The following COX15 variants were observed in gnomAD, a reference collection of about 807,000 sequenced individuals.
COX15 encodes the protein heme A synthase COX15.
Under a neutral mutation model 51.9 loss-of-function variants are expected in COX15, and 51 were observed. That is an observed-to-expected ratio of 0.98 (90% CI 0.78 to 1.24). The LOEUF (loss-of-function observed/expected upper bound fraction) is 1.24, where lower values mean the gene tolerates loss of function less well. Ranked by LOEUF, COX15 falls within the 50% of genes most tolerant of loss-of-function variation. The probability of loss-of-function intolerance (pLI) is 0.00; values close to 1 mark genes in which losing one functional copy is unlikely to be tolerated. For missense variants in COX15, 420 were observed against 501.1 expected (o/e 0.84, Z 1.55); for synonymous variants, 188 against 190.5 (o/e 0.99, Z 0.11).
chr10:99,706,605 G>C (rs886764754), downstream of COX15, among the ~76,000 whole-genome samples: 6 of 152,090 alleles, frequency 3.9e-5, no homozygotes, highest in Non-Finnish European at 7.4e-5. Context: ...AAAGTGCTGG[G>C]ATTACAAGCA....
chr10:99,709,949 A>AG, downstream of COX15: 1 of 985,420 alleles, frequency 1.0e-6, no homozygotes, highest in Non-Finnish European at 1.2e-6. Context: ...TCATACTACA[A>AG]GGGCTTTCAC....
Position 99,711,101 on chromosome 10 carries a change from C to CAA in COX15, c.*3484_*3485dup, listed in dbSNP as rs11405417. On this transcript the variant is annotated 3_prime_UTR_variant, in exon 9 of 9. Transcript: ENST00000016171. ...GGGAGTGCTGGGAATAACATAAATA[C>CAA]AAAAAAAACCCTAAGATAATCATTC... The CAA allele has an allele frequency of 0.014, 14,069 of 974,650 alleles. 98 individuals carry two copies. The highest frequency in any genetic ancestry group is 0.016 in the Non-Finnish European group (12,964 of 820,530). The allele number at this position is 974,650 out of a possible 1,614,324, so 60.4% of individuals were successfully genotyped here. A position where few individuals can be genotyped will look rare whatever the true frequency, so the allele number is the denominator to read the frequency against.
In COX15 at chr10:99,711,330, C is replaced by G; in HGVS notation, c.*3257G>C. 1.0e-6 allele frequency: 1 copy of G among 985,410 alleles called. No homozygotes were observed. Among genetic ancestry groups the G allele is most frequent in the Non-Finnish European group, 1.2e-6 (1 of 829,936 alleles). 61.0% of individuals were successfully genotyped at this position (985,410 alleles called of 1,614,324 possible). On this transcript the variant is annotated 3_prime_UTR_variant, in exon 9 of 9. Transcript: ENST00000016171. ...GTTGGGTCATACTGCCCTCTGCTGA[C>G]TCAGTTACTAACTAAGGACAACCTG...
the COX15 span, chr10:99,702,642 A>G: frequency 6.2e-7 from 1 of 1,613,284 alleles, no homozygotes; most frequent in African/African-American, 1.3e-5. Context: ...GCTGGGAGCC[A>G]TTCTATATAA....
chr10:99,731,876 G>A, intron 1 of COX15, 84 bp downstream of exon 1: 18 of 1,523,848 alleles, frequency 1.2e-5, no homozygotes, highest in Non-Finnish European at 1.6e-5. Flanking sequence ...CCGGAAACGT[G>A]ATGTGGGGCT....
chr10:99,698,457 C>T, the COX15 span: 3 of 1,374,524 alleles, frequency 2.2e-6, no homozygotes, highest in Non-Finnish European at 3.0e-6. Flanking sequence ...ATTTCTGATG[C>T]ACATTGTGTT....
intron 5 of COX15, among the ~76,000 whole-genome samples, chr10:99,722,697 G>T (rs921924172): frequency 6.6e-6 from 1 of 151,994 alleles, no homozygotes; most frequent in African/African-American, 2.4e-5. Flanking sequence ...AGCCGAGCAT[G>T]GTGGTGTGCG....
the COX15 span, among the ~76,000 whole-genome samples, chr10:99,700,071 C>T: frequency 6.6e-6 from 1 of 152,164 alleles, no homozygotes; most frequent in South Asian, 2.1e-4. Flanking sequence ...TTCTCTCCAG[C>T]CTCCAGGACG....
chr10:99,730,265 T>G (rs1445825332), intron 1 of COX15, among the ~76,000 whole-genome samples: 1 of 152,204 alleles, frequency 6.6e-6, no homozygotes, highest in Admixed American at 6.5e-5. Flanking sequence ...ATTTCATCAT[T>G]GTGTGAACCT....
At chr10:99,726,178 AGT>A (rs1160346623) in intron 4 of COX15, among the ~76,000 whole-genome samples, 1 of 152,200 alleles carries the variant, frequency 6.6e-6, no homozygotes, top group African/African-American at 2.4e-5. Flanking sequence ...CATCCCACAA[AGT>A]GTTTCTCTCT....
Position 99,718,448 on chromosome 10 carries a change from T to A in COX15, c.885A>T (p.Lys295Asn). Residue 295 changes from lysine to asparagine, a missense_variant, in exon 7 of 9, where the codon AAA (lysine) becomes AAT (asparagine). Transcript: ENST00000016171. ...CCTCCGGGATCCAGGATTCTCCCAT[T>A]TTGGGAAAGGAGTTATAAACAAGCC... is the stretch of plus-strand genomic sequence containing the variant. ...DAGLVYNSFP[K>N]MGESWIPEDL... 1 of 1,614,126 alleles carries A rather than the reference T, an allele frequency of 6.2e-7. No individual in the cohort carries two copies. Among genetic ancestry groups the A allele is most frequent in the Non-Finnish European group, 8.5e-7 (1 of 1,180,012 alleles).
At chr10:99,708,741 A>G, downstream of COX15, 2 of 759,100 alleles carry the variant, frequency 2.6e-6, no homozygotes, top group Non-Finnish European at 3.2e-6. Flanking sequence ...GCTTCTGGTC[A>G]ACCCCCTTGA....
Position 99,713,607 on chromosome 10 carries a change from C to A in COX15, c.*980G>T. ...CTTATTACAAAGCTGTTAGGAAACC[C>A]TCTCAGGAACCAATTTATACTGTCG... On this transcript the variant is annotated 3_prime_UTR_variant, in exon 9 of 9. Coordinates refer to ENST00000016171, the MANE Select transcript of COX15 (RefSeq NM_078470.6). The A allele has an allele frequency of 7.4e-7, 1 of 1,357,362 alleles. No homozygotes were observed. The highest frequency in any genetic ancestry group is 1.0e-6 in the Non-Finnish European group (1 of 988,594). 84.1% of individuals were successfully genotyped at this position (1,357,362 alleles called of 1,614,324 possible). A position where few individuals can be genotyped will look rare whatever the true frequency, so the allele number is the denominator to read the frequency against.
chr10:99,721,223 A>C (rs1184050933), intron 5 of COX15, among the ~76,000 whole-genome samples, 155 bp from the exon 6 acceptor site: 1 of 152,234 alleles, frequency 6.6e-6, no homozygotes, highest in Non-Finnish European at 1.5e-5. Flanking sequence ...TTCTGTTCCA[A>C]CATGTACTGT....
At position 99,712,712 on chromosome 10, in the gene COX15, A is replaced by G; in HGVS notation, c.*1875T>C. ...GCAACAGACCAGAACTCAGCAGTAT[A>G]GTCCGAGCTGGGGCACCTGCTCGCC... On this transcript the variant is annotated 3_prime_UTR_variant, in exon 9 of 9. Coordinates refer to ENST00000016171, the MANE Select transcript of COX15 (RefSeq NM_078470.6). 1.4e-6 allele frequency: 1 copy of G among 713,722 alleles called. No individual in the cohort carries two copies. The highest frequency in any genetic ancestry group is 1.9e-5 in the African/African-American group (1 of 51,826). The allele number at this position is 713,722 out of a possible 1,614,324, so 44.2% of individuals were successfully genotyped here.
In COX15 at chr10:99,714,603, C is replaced by T. The variant is rs759077678; in HGVS notation, c.1217G>A (p.Arg406Gln). The T allele has an allele frequency of 2.5e-5, 41 of 1,613,918 alleles. No individual in the cohort carries two copies. The highest frequency in any genetic ancestry group is 6.7e-5 in the East Asian group (3 of 44,880). ...TGALWLMNEL[R>Q]RVPK is the part of the protein sequence containing the mutation. ...CTCTAAGAATCATTTTGGGACTCTT[C>T]GGAGTTCATTCATCAGCCAAAGAGC... The change falls in exon 9 of 9, where the codon CGA (arginine) becomes CAA (glutamine). Residue 406 changes from arginine (R) to glutamine (Q), a missense_variant. Arg to Gln is a conservative substitution (Grantham distance 43). Coordinates refer to ENST00000016171, the MANE Select transcript of COX15 (RefSeq NM_078470.6).
At chr10:99,707,556 T>G (rs558544630), downstream of COX15, among the ~76,000 whole-genome samples, 1 of 152,364 alleles carries the variant, frequency 6.6e-6, no homozygotes, top group East Asian at 1.9e-4. Context: ...TGAAGATAAT[T>G]ATGGTGTCAT....
the COX15 span, chr10:99,698,456 G>C: frequency 7.3e-7 from 1 of 1,369,704 alleles, no homozygotes; most frequent in East Asian, 2.3e-5. Flanking sequence ...TATTTCTGAT[G>C]CACATTGTGT....
At position 99,716,381 on chromosome 10, in the gene COX15, T is replaced by C. The variant is rs761431331; in HGVS notation, c.1068A>G (p.Ala356=). The part of the protein sequence containing the change: ...RIPLPRRTKM[A]AVTLLALAYT... Reference sequence around the variant, plus strand: ...ACGCCAAAGCCAGCAGAGTCACTGCTGCCATCTTGGTCCTTCTAGGAAGGG... The same window carrying C: ...ACGCCAAAGCCAGCAGAGTCACTGCCGCCATCTTGGTCCTTCTAGGAAGGG... Residue 356 remains alanine, a synonymous_variant, in exon 8 of 9, where the codon GCA becomes GCG. Coordinates refer to ENST00000016171, the MANE Select transcript of COX15 (RefSeq NM_078470.6). The C allele has an allele frequency of 7.4e-6, 12 of 1,613,798 alleles. No homozygotes were observed. The highest frequency in any genetic ancestry group is 2.7e-5 in the African/African-American group (2 of 74,910).
Sources: allele counts gnomAD v4.1 joint callset (sites outside exome capture counted in the v4.1 genomes callset), GRCh38; gene constraint gnomAD v4.1.1; transcripts MANE v1.5; gene names NCBI Gene and HGNC (gene_info 2026-07-23, HGNC 2026-07-21).